GINS4: variants seen among roughly 807,000 people sequenced by gnomAD.
The protein encoded by GINS4 is GINS complex subunit 4, also known as DNA replication complex GINS protein SLD5.
GINS4 carries 20 observed loss-of-function variants against 31.1 expected under a neutral mutation model. The ratio of observed to expected loss-of-function variants is 0.64; its 90% CI spans 0.45 to 0.93. The LOEUF is 0.93. GINS4 is among the 40% of genes least tolerant of loss of function. The pLI is 0.00. For synonymous variants in GINS4, 85 were observed against 97.9 expected, an observed-to-expected ratio of 0.87 and a Z score of 0.78; for missense variants, 245 against 273.9, an observed-to-expected ratio of 0.89 and a Z score of 0.75.
chr8:41,531,724 C>T (rs1806650493), intron 2 of GINS4, among the ~76,000 whole-genome samples: 1 of 152,118 alleles, frequency 6.6e-6, no homozygotes, highest in South Asian at 2.1e-4. Context: ...CCCTGAAATC[C>T]ACCCACAGAC....
chr8:41,539,414 C>T (rs553654727), intron 4 of GINS4, among the ~76,000 whole-genome samples: 2 of 151,630 alleles, frequency 1.3e-5, no homozygotes, highest in East Asian at 3.9e-4. Context: ...TTGACATCTA[C>T]CCATTGAGTC....
intron 2 of GINS4, among the ~76,000 whole-genome samples, chr8:41,530,823 T>C (rs555449336): frequency 1.3e-5 from 2 of 152,358 alleles, no homozygotes; most frequent in East Asian, 3.9e-4. Flanking sequence ...ATATTTCCCA[T>C]GTGCCAGTAA....
Position 41,539,788 on chromosome 8 carries a change from G to A in GINS4, c.395+13G>A, listed in dbSNP as rs1487409319. 1.2e-6 allele frequency: 2 copies of A among 1,610,154 alleles called. No homozygotes were observed. The highest frequency in any genetic ancestry group is 3.3e-5 in the Admixed American group (2 of 59,992). ...CCTTTGCCAGAGAGTGAGTGAGTGA[G>A]CCGTTGGCGTGGGGCACCTGGCTGG... is the stretch of plus-strand genomic sequence containing the variant. On this transcript the variant is annotated intron_variant, in intron 5 of 7. Transcript: ENST00000276533.
chr8:41,533,215 A>T (rs1196624879), intron 2 of GINS4, among the ~76,000 whole-genome samples: 1 of 152,256 alleles, frequency 6.6e-6, no homozygotes, highest in Non-Finnish European at 1.5e-5. Context: ...ATAAAATATG[A>T]GCTGCCAAAG....
chr8:41,530,518 A>G (rs1806633746), intron 2 of GINS4, among the ~76,000 whole-genome samples: 1 of 152,156 alleles, frequency 6.6e-6, no homozygotes, highest in Non-Finnish European at 1.5e-5. Flanking sequence ...TCAGTAAGGG[A>G]CAGCTTTGGG....
chr8:41,540,798 G>A (rs1347662065), intron 6 of GINS4, among the ~76,000 whole-genome samples: 6 of 152,220 alleles, frequency 3.9e-5, no homozygotes, highest in Admixed American at 2.6e-4. Flanking sequence ...TGCTGGGGCT[G>A]GGGACCACAC....
rs758758910 is a variant in GINS4, at chr8:41,537,189, C to A, written c.193C>A (p.Leu65Ile). 3 of 1,609,632 alleles carry A rather than the reference C, an allele frequency of 1.9e-6. No individual in the cohort carries two copies. Among genetic ancestry groups the A allele is most frequent in the Admixed American group, 3.3e-5 (2 of 59,982 alleles). ...MEQLEHMEENLRRAKREDLKV... is the reference protein window; with the variant it reads ...MEQLEHMEENIRRAKREDLKV... ...ATTTCTCATTTAATAGGAAGAAAATCTCAGGAGAGCCAAAAGGGAGGACCT... is the reference window on the plus strand; with the variant it reads ...ATTTCTCATTTAATAGGAAGAAAATATCAGGAGAGCCAAAAGGGAGGACCT... Residue 65 changes from leucine to isoleucine, a missense_variant, in exon 4 of 8, where the codon CTC (leucine) becomes ATC (isoleucine). Physicochemically the swap from Leu to Ile is conservative, Grantham distance 5 (BLOSUM62 2). Transcript: ENST00000276533.
intron 5 of GINS4, 45 bp downstream of exon 5, chr8:41,539,820 A>G (rs764466719): frequency 1.9e-6 from 3 of 1,589,072 alleles, no homozygotes; most frequent in East Asian, 2.2e-5. Flanking sequence ...CTGGTTCAGC[A>G]TGAGGCCTGT....
At position 41,542,475 on chromosome 8, in the gene GINS4, T is replaced by C; in HGVS notation, c.*388T>C. ...CATCCTGGCTACTAAACCCCATCTC[T>C]ACTAAACCCATCTCTACTAAAAATA... On this transcript the variant is annotated 3_prime_UTR_variant, in exon 8 of 8. Coordinates refer to ENST00000276533, the MANE Select transcript of GINS4 (RefSeq NM_032336.3). The C allele has an allele frequency of 4.7e-6, 1 of 213,444 alleles. No individual in the cohort carries two copies. Among genetic ancestry groups the C allele is most frequent in the Non-Finnish European group, 9.6e-6 (1 of 104,444 alleles). 13.2% of individuals were successfully genotyped at this position (213,444 alleles called of 1,614,324 possible). A position where few individuals can be genotyped will look rare whatever the true frequency, so the allele number is the denominator to read the frequency against.
intron 2 of GINS4, 113 bp downstream of exon 2, chr8:41,530,411 A>G: frequency 4.2e-6 from 3 of 705,930 alleles, no homozygotes; most frequent in Non-Finnish European, 7.2e-6. Flanking sequence ...ACTTTAGAAC[A>G]GGGACTGGAT....
At chr8:41,540,176 G>A (rs1333688726) in intron 6 of GINS4, among the ~76,000 whole-genome samples, 172 bp downstream of exon 6, 1 of 152,238 alleles carries the variant, frequency 6.6e-6, no homozygotes, top group East Asian at 1.9e-4. Flanking sequence ...CAGATCCAAT[G>A]GTAGGCATTT....
chr8:41,530,143 G>C (rs1310961051), intron 1 of GINS4, 41 bp from the exon 2 acceptor site: 4 of 1,238,780 alleles, frequency 3.2e-6, no homozygotes, highest in Non-Finnish European at 4.7e-6. Context: ...CAGATAATTA[G>C]AAAACGCATT....
Position 41,542,398 on chromosome 8 carries a change from A to C in GINS4, c.*311A>C. Reference sequence around the variant, plus strand: ...CTTTGTCTCAAAAAAAAAAACAAAAAACAAAAAAAAAACAAACTAGGCATA... The same window carrying C: ...CTTTGTCTCAAAAAAAAAAACAAAACACAAAAAAAAAACAAACTAGGCATA... On this transcript the variant is annotated 3_prime_UTR_variant, in exon 8 of 8. Coordinates refer to ENST00000276533, the MANE Select transcript of GINS4 (RefSeq NM_032336.3). 1 of 369,420 alleles carries C rather than the reference A, an allele frequency of 2.7e-6. No individual in the cohort carries two copies. Among genetic ancestry groups the C allele is most frequent in the African/African-American group, 2.1e-5 (1 of 47,992 alleles). The allele number at this position is 369,420 out of a possible 1,614,324, so 22.9% of individuals were successfully genotyped here.
rs1368575732 is a variant in GINS4, at chr8:41,529,283, G to C, written c.-133G>C. The C allele has an allele frequency of 3.3e-5, 5 of 152,466 alleles. No individual in the cohort carries two copies. Among genetic ancestry groups the C allele is most frequent in the Non-Finnish European group, 4.4e-5 (3 of 68,254 alleles). The allele number at this position is 152,466 out of a possible 1,614,324, so 9.4% of individuals were successfully genotyped here. ...GTTGAGTTGGTCCCGGCAAGTCCTT[G>C]AGCAGTTTGTTCCTCTGTCTTCCCG... On this transcript the variant is annotated 5_prime_UTR_variant, in exon 1 of 8. Transcript: ENST00000276533.
chr8:41,532,242 TGATACCTCA>T (rs1340690406), intron 2 of GINS4, among the ~76,000 whole-genome samples: 14 of 152,182 alleles, frequency 9.2e-5, no homozygotes, highest in African/African-American at 3.1e-4. Context: ...CAGTACAGAC[TGATACCTCA>T]GAGAAGAAGA....
At position 41,540,897 on chromosome 8, in the gene GINS4, A is replaced by G. The variant is rs182482049; in HGVS notation, c.484+893A>G. Among the ~76,000 whole-genome samples, 294 of 152,204 alleles carry G rather than the reference A, an allele frequency of 1.9e-3. 3 individuals carry two copies. The highest frequency in any genetic ancestry group is 6.6e-3 in the African/African-American group (274 of 41,546). ...TGGGAAGTCCAGGATCCAGGCCCCC[A>G]CAGACTCAGTGTCTGCCAAGAGCCT... On this transcript the variant is annotated intron_variant, in intron 6 of 7. Transcript: ENST00000276533.
At chr8:41,530,892 G>T (rs1218859565) in intron 2 of GINS4, among the ~76,000 whole-genome samples, 1 of 152,138 alleles carries the variant, frequency 6.6e-6, no homozygotes, top group African/African-American at 2.4e-5. Flanking sequence ...AGACTATCTG[G>T]ATTTAAATCT....
Position 41,539,680 on chromosome 8 carries a change from AGAG to A in GINS4, c.301_303del (p.Glu101del). On this transcript the variant is annotated inframe_deletion, in exon 5 of 8. Coordinates refer to ENST00000276533, the MANE Select transcript of GINS4 (RefSeq NM_032336.3). The stretch of plus-strand genomic sequence containing the variant: ...AAGATTTTGCTTTATCCTCACAGAT[AGAG>A]AAGTTTTTCCCTCATGTCCTTGAGA... The A allele has an allele frequency of 6.2e-7, 1 of 1,609,240 alleles. No individual in the cohort carries two copies. The highest frequency in any genetic ancestry group is 8.5e-7 in the Non-Finnish European group (1 of 1,175,790).
Position 41,542,421 on chromosome 8 carries a change from A to G in GINS4, c.*334A>G, listed in dbSNP as rs1020076653. The G allele has an allele frequency of 5.6e-5, 19 of 338,408 alleles. No homozygotes were observed. The highest frequency in any genetic ancestry group is 9.6e-5 in the Non-Finnish European group (17 of 177,974). 21.0% of individuals were successfully genotyped at this position (338,408 alleles called of 1,614,324 possible). ...AAAACAAAAAAAAAACAAACTAGGCATAAACTCATGAGGTCAGGAGATCAA... is the reference window on the plus strand; with the variant it reads ...AAAACAAAAAAAAAACAAACTAGGCGTAAACTCATGAGGTCAGGAGATCAA... On this transcript the variant is annotated 3_prime_UTR_variant, in exon 8 of 8. Coordinates refer to ENST00000276533, the MANE Select transcript of GINS4 (RefSeq NM_032336.3).
Sources: gnomAD v4.1 joint callset for allele counts (sites outside exome capture counted in the v4.1 genomes callset) on GRCh38, gnomAD v4.1.1 for gene constraint, MANE v1.5 for transcripts, NCBI Gene and HGNC (gene_info 2026-07-23, HGNC 2026-07-21) for gene names.